Variants in RSRC1 observed in about 807,000 individuals in gnomAD.
RSRC1 encodes the protein serine/Arginine-related protein 53.
A neutral mutation model predicts 49.1 loss-of-function variants in RSRC1; 39 were observed. The ratio of observed to expected loss-of-function variants is 0.79; its 90% CI spans 0.61 to 1.04. The LOEUF (loss-of-function observed/expected upper bound fraction) is 1.04. RSRC1 is among the 50% of genes least tolerant of loss of function. The pLI is 0.00. For synonymous variants in RSRC1, 143 were observed against 130.8 expected (o/e 1.09, Z -0.63); for missense variants, 388 against 402.4 (o/e 0.96, Z 0.31).
rs1722469003 is a variant in RSRC1, at chr3:158,225,295, G to T, written c.494+22050G>T. 2.0e-5 allele frequency among the ~76,000 whole-genome samples: 3 copies of T among 151,892 alleles called. No homozygotes were observed. The South Asian group carries it at 6.2e-4, about 32-fold the overall frequency. On this transcript the variant is annotated intron_variant, in intron 4 of 9. Transcript: ENST00000611884. ...TTGTCTAAGTAACTCTTATCTTATT[G>T]AAGACAGGTATGGGTTTTGTATTTA...
At chr3:158,475,966 A>G (rs574966296) in intron 7 of RSRC1, among the ~76,000 whole-genome samples, 2 of 152,288 alleles carry the variant, frequency 1.3e-5, no homozygotes, top group South Asian at 4.1e-4. Flanking sequence ...CAAGTTGTGA[A>G]TGCAAAGGAA....
chr3:158,511,889 T>C (rs1262854356), intron 7 of RSRC1, among the ~76,000 whole-genome samples: 1 of 152,164 alleles, frequency 6.6e-6, no homozygotes, highest in Non-Finnish European at 1.5e-5. Flanking sequence ...GTGAGCATTT[T>C]TTCATGTGTC....
At chr3:158,515,845 C>T (rs191160927) in intron 7 of RSRC1, among the ~76,000 whole-genome samples, 356 of 152,172 alleles carry the variant, frequency 2.3e-3, no homozygotes, top group African/African-American at 8.4e-3. Context: ...TCATTTCATT[C>T]ATTTCATCTT....
intron 4 of RSRC1, among the ~76,000 whole-genome samples, chr3:158,264,441 G>A (rs1235371621): frequency 6.6e-6 from 1 of 152,128 alleles, no homozygotes; most frequent in African/African-American, 2.4e-5. Flanking sequence ...GCTCAGAATA[G>A]CTCTATTTTG....
chr3:158,494,354 G>A (rs1175986375), intron 7 of RSRC1, among the ~76,000 whole-genome samples: 1 of 152,108 alleles, frequency 6.6e-6, no homozygotes, highest in Non-Finnish European at 1.5e-5. Context: ...ATCTATATAG[G>A]GCACTTAACC....
chr3:158,343,203 G>A (rs1318791434), intron 5 of RSRC1, among the ~76,000 whole-genome samples: 1 of 152,186 alleles, frequency 6.6e-6, no homozygotes. Context: ...TATTTAAATA[G>A]AGTATAAAAA....
intron 6 of RSRC1, among the ~76,000 whole-genome samples, chr3:158,424,446 A>G (rs1233076305): frequency 6.6e-6 from 1 of 151,290 alleles, no homozygotes; most frequent in African/African-American, 2.4e-5. Context: ...ATCATGGTGG[A>G]TAAGCTTTTT....
At chr3:158,417,272 G>A (rs888442842) in intron 6 of RSRC1, among the ~76,000 whole-genome samples, 5 of 152,126 alleles carry the variant, frequency 3.3e-5, no homozygotes, top group Admixed American at 6.6e-5. Flanking sequence ...TAATATCAAC[G>A]TAGGTATAAT....
intron 5 of RSRC1, among the ~76,000 whole-genome samples, chr3:158,323,749 T>G (rs1448753828): frequency 6.6e-6 from 1 of 152,204 alleles, no homozygotes; most frequent in Admixed American, 6.5e-5. Flanking sequence ...TTGTCTGCCT[T>G]TGGTTATTTC....
Position 158,259,473 on chromosome 3 carries a change from G to A in RSRC1, c.495-38566G>A, listed in dbSNP as rs537154646. On this transcript the variant is annotated intron_variant, in intron 4 of 9. Transcript: ENST00000611884. ...CTGAACTGCCTGGAACTGGGGTAAG[G>A]GTGACAAACACCCTTCTGGCCACCA... Among the ~76,000 whole-genome samples, 4 of 152,216 alleles carry A rather than the reference G, an allele frequency of 2.6e-5. No individual in the cohort carries two copies. The South Asian group carries it at 6.2e-4, about 24-fold the overall frequency.
chr3:158,169,263 C>A (rs1393542027), intron 3 of RSRC1, among the ~76,000 whole-genome samples: 1 of 152,114 alleles, frequency 6.6e-6, no homozygotes, highest in Non-Finnish European at 1.5e-5. Context: ...CTAACCCTTC[C>A]GTTTTTGAGC....
At chr3:158,420,898 G>T (rs1392059939) in intron 6 of RSRC1, among the ~76,000 whole-genome samples, 1 of 151,894 alleles carries the variant, frequency 6.6e-6, no homozygotes, top group African/African-American at 2.4e-5. Flanking sequence ...ACATTCTGGT[G>T]GAGAAAGTAA....
At chr3:158,411,374 A>G (rs1283526156) in intron 6 of RSRC1, among the ~76,000 whole-genome samples, 2 of 152,172 alleles carry the variant, frequency 1.3e-5, no homozygotes, top group Admixed American at 6.6e-5. Flanking sequence ...GCAATGTCAA[A>G]TTTTTCCAAA....
At chr3:158,442,825 G>A (rs1244859091) in intron 6 of RSRC1, among the ~76,000 whole-genome samples, 2 of 151,988 alleles carry the variant, frequency 1.3e-5, no homozygotes, top group Non-Finnish European at 2.9e-5. Context: ...TTCTTAAACA[G>A]TAAGACTTGG....
intron 6 of RSRC1, among the ~76,000 whole-genome samples, chr3:158,375,195 A>G (rs1481412407): frequency 2.3e-5 from 2 of 87,580 alleles, no homozygotes; most frequent in Admixed American, 2.4e-4. Flanking sequence ...TATTATTATT[A>G]TTATTAACTT....
At chr3:158,177,211 A>T (rs1719276316) in intron 3 of RSRC1, among the ~76,000 whole-genome samples, 1 of 152,236 alleles carries the variant, frequency 6.6e-6, no homozygotes, top group African/African-American at 2.4e-5. Flanking sequence ...AAATTAGTTC[A>T]ACCATTGTGG....
intron 7 of RSRC1, among the ~76,000 whole-genome samples, chr3:158,511,405 G>A (rs1740170764): frequency 6.6e-6 from 1 of 152,120 alleles, no homozygotes; most frequent in African/African-American, 2.4e-5. Flanking sequence ...AGTTTACTGA[G>A]AATGATGATT....
At chr3:158,187,251 G>A (rs554281095) in intron 3 of RSRC1, among the ~76,000 whole-genome samples, 1 of 152,126 alleles carries the variant, frequency 6.6e-6, no homozygotes, top group East Asian at 1.9e-4. Context: ...GTGAGATAAA[G>A]TACATGAATA....
chr3:158,302,081 C>A (rs1282345001), intron 5 of RSRC1, among the ~76,000 whole-genome samples: 2 of 141,230 alleles, frequency 1.4e-5, no homozygotes, highest in Non-Finnish European at 3.0e-5. Context: ...AACATTATAT[C>A]CTGGAAAAAT....
Sources: allele counts gnomAD v4.1 joint callset (sites outside exome capture counted in the v4.1 genomes callset), GRCh38; gene constraint gnomAD v4.1.1; transcripts MANE v1.5; gene names NCBI Gene and HGNC (gene_info 2026-07-23, HGNC 2026-07-21).